Variants in RING1 observed in about 807,000 individuals in gnomAD.
RING1 encodes the protein E3 ubiquitin-protein ligase RING1.
In RING1, 8 loss-of-function variants were observed where a neutral mutation model predicts 35.0. That is an observed-to-expected ratio of 0.23 (90% CI 0.13 to 0.41). The LOEUF (loss-of-function observed/expected upper bound fraction) is 0.41. Ranked by LOEUF, RING1 falls within the 10% of genes least tolerant of loss-of-function variation. RING1 has a pLI of 1.00. For missense variants in RING1, 343 were observed against 546.8 expected, an observed-to-expected ratio of 0.63 and a Z score of 3.72; for synonymous variants, 214 against 224.3, an observed-to-expected ratio of 0.95 and a Z score of 0.41.
Position 33,211,199 on chromosome 6 carries a change from C to G in RING1, c.497C>G (p.Thr166Ser). 1 of 1,612,554 alleles carries G rather than the reference C, an allele frequency of 6.2e-7. No homozygotes were observed. Residue 166 changes from threonine (T) to serine (S), a missense_variant, in exon 5 of 7, where the codon ACC becomes AGC. Transcript: ENST00000374656. The surrounding 1 kb of genome is among the most constrained non-coding windows in gnomAD (Gnocchi z 6.3). ...VRRPIPGSDQ[T>S]TTMSGGEGEP... The stretch of plus-strand genomic sequence containing the variant: ...CGGCCGATACCAGGGTCAGATCAGA[C>G]CACAACGATGAGTGGGGGGGAAGGA...
In RING1 at chr6:33,211,721, C is replaced by T; in HGVS notation, c.846-8C>T. The T allele has an allele frequency of 2.6e-6, 4 of 1,538,112 alleles. No individual in the cohort carries two copies. The East Asian group carries it at 6.8e-5, about 26-fold the overall frequency. On this transcript the variant is annotated splice_region_variant and splice_polypyrimidine_tract_variant and intron_variant, in intron 5 of 6. Transcript: ENST00000374656. This position sits in a 1 kb window ranked among gnomAD's most constrained non-coding sequence, Gnocchi z 6.3. The stretch of plus-strand genomic sequence containing the variant: ...CTGGCTCTAAGCCTGTCCTCCCTCC[C>T]ATTCCAGGTATGTGAAGACAACTGG...
Position 33,209,704 on chromosome 6 carries a change from G to T in RING1, c.157G>T (p.Asp53Tyr), listed in dbSNP as rs774678671. ...HSELMCPICL[D>Y]MLKNTMTTKE... ...AGAACTCATGTGCCCTATCTGCCTG[G>T]ACATGCTGAAGAATACGATGACCAC... The change falls in exon 3 of 7, where the codon GAC (aspartate) becomes TAC (tyrosine). Residue 53 changes from aspartate to tyrosine, a missense_variant. By Grantham distance (160) the Asp-to-Tyr change is radical. Coordinates refer to ENST00000374656, the MANE Select transcript of RING1 (RefSeq NM_002931.4). This position sits in a 1 kb window ranked among gnomAD's most constrained non-coding sequence, Gnocchi z 5.1. The T allele has an allele frequency of 6.2e-7, 1 of 1,613,152 alleles. No individual in the cohort carries two copies. The highest frequency in any genetic ancestry group is 2.2e-5 in the East Asian group (1 of 44,884).
chr6:33,210,688 A>G (rs764392835), intron 4 of RING1, among the ~76,000 whole-genome samples: 58 of 152,198 alleles, frequency 3.8e-4, no homozygotes, highest in Non-Finnish European at 7.9e-4. Flanking sequence ...GATTTTGAGA[A>G]TAAGCCCCGG....
Position 33,208,506 on chromosome 6 carries a change from C to A in RING1, c.-197C>A. The A allele has an allele frequency of 2.4e-6, 1 of 422,332 alleles. No homozygotes were observed. The highest frequency in any genetic ancestry group is 4.1e-6 in the Non-Finnish European group (1 of 241,682). 26.2% of individuals were successfully genotyped at this position (422,332 alleles called of 1,614,324 possible). On this transcript the variant is annotated 5_prime_UTR_variant, in exon 1 of 7. Transcript: ENST00000374656. This position sits in a 1 kb window ranked among gnomAD's most constrained non-coding sequence, Gnocchi z 6.2. ...AGGAGCAGGCGGAAGTGACGTAGGG[C>A]CCCAGCGCCCGGGCCATGGCGGCGG... is the stretch of plus-strand genomic sequence containing the variant.
At position 33,209,312 on chromosome 6, in the gene RING1, C is replaced by T. The variant is rs1412390319; in HGVS notation, c.79-314C>T. The T allele has an allele frequency of 1.8e-6, 1 of 567,444 alleles. No individual in the cohort carries two copies. The highest frequency in any genetic ancestry group is 3.1e-6 in the Non-Finnish European group (1 of 317,972). 35.2% of individuals were successfully genotyped at this position (567,444 alleles called of 1,614,324 possible). On this transcript the variant is annotated intron_variant, in intron 2 of 6. Transcript: ENST00000374656. This position sits in a 1 kb window ranked among gnomAD's most constrained non-coding sequence, Gnocchi z 5.1. Reference sequence around the variant, plus strand: ...CTATGGGGTTCTAATACAGGTAGCACCAGGACTTTAAAAAATTTTGTTGAA... The same window carrying T: ...CTATGGGGTTCTAATACAGGTAGCATCAGGACTTTAAAAAATTTTGTTGAA...
In RING1 at chr6:33,211,275, C is replaced by T; in HGVS notation, c.573C>T (p.Ala191=). The change falls in exon 5 of 7, where the codon GCC becomes GCT. Residue 191 remains alanine, a synonymous_variant. Transcript: ENST00000374656. The surrounding 1 kb of genome is among the most constrained non-coding windows in gnomAD (Gnocchi z 6.3). The stretch of plus-strand genomic sequence containing the variant: ...GAGAAGATGTGAGCTCAGACTCCGC[C>T]CCTGACTCTGCCCCAGGCCCTGCTC... The part of the protein sequence containing the change: ...GDGEDVSSDS[A]PDSAPGPAPK... The T allele has an allele frequency of 6.2e-7, 1 of 1,612,782 alleles. No homozygotes were observed. The highest frequency in any genetic ancestry group is 8.5e-7 in the Non-Finnish European group (1 of 1,179,898).
chr6:33,212,316 A>G lies in RING1; in HGVS notation c.1138A>G (p.Thr380Ala). The G allele has an allele frequency of 1.3e-6, 2 of 1,588,300 alleles. No homozygotes were observed. The highest frequency in any genetic ancestry group is 1.7e-6 in the Non-Finnish European group (2 of 1,167,596). The change falls in exon 7 of 7, where the codon ACC becomes GCC. Residue 380 changes from threonine (T) to alanine (A), a missense_variant. Thr to Ala is a moderately conservative substitution (Grantham distance 58). Transcript: ENST00000374656. ...GAFTTLNGSLTLELVNEKFWK... is the reference protein window; with the variant it reads ...GAFTTLNGSLALELVNEKFWK... The stretch of plus-strand genomic sequence containing the variant: ...TCCTCAGACGTTGAATGGCTCGCTG[A>G]CCCTGGAGCTGGTGAATGAGAAATT...
rs1775515761 is a variant in RING1 at position 33,211,327 on chromosome 6, G to C, written c.625G>C (p.Gly209Arg). The C allele has an allele frequency of 6.2e-7, 1 of 1,609,692 alleles. No homozygotes were observed. Among genetic ancestry groups the C allele is most frequent in the Non-Finnish European group, 8.5e-7 (1 of 1,178,576 alleles). ...APKRPRGGGA[G>R]GSSVGTGGGG... The stretch of plus-strand genomic sequence containing the variant: ...CAAGCGACCCCGTGGAGGGGGCGCA[G>C]GGGGGAGCAGTGTAGGGACAGGGGG... The change falls in exon 5 of 7, where the codon GGG (glycine) becomes CGG (arginine). Residue 209 changes from glycine (G) to arginine (R), a missense_variant. Around this residue, in one of 2 missense-constraint regions of RING1, gnomAD observed 278 missense variants for 383.5 expected, o/e 0.72. Transcript: ENST00000374656. The surrounding 1 kb of genome is among the most constrained non-coding windows in gnomAD (Gnocchi z 6.3).
rs138993284 is a variant in RING1, at chr6:33,208,833, C to T, written c.11C>T (p.Pro4Leu). Residue 4 changes from proline to leucine, a missense_variant, in exon 2 of 7, where the codon CCG becomes CTG. Pro to Leu is a moderately conservative substitution (Grantham distance 98, BLOSUM62 -3). Around this residue, in one of 2 missense-constraint regions of RING1, gnomAD observed 65 missense variants for 163.3 expected, o/e 0.40. Coordinates refer to ENST00000374656, the MANE Select transcript of RING1 (RefSeq NM_002931.4). The surrounding 1 kb of genome is among the most constrained non-coding windows in gnomAD (Gnocchi z 6.2). ...CTGCGCCCGGTCACCATGACGACGC[C>T]GGCGAATGCCCAGAATGCCAGCAAA... MTT[P>L]ANAQNASKTW... 141 of 1,605,414 alleles carry T rather than the reference C, an allele frequency of 8.8e-5. No homozygotes were observed. Among genetic ancestry groups the T allele is most frequent in the Non-Finnish European group, 8.1e-5 (95 of 1,174,316 alleles).
chr6:33,212,269 CCCCTCTCTCCCTTTTA>C lies in RING1; in HGVS notation c.1120-25_1120-10del. ...CTTCTCCAACTTTCCTCTCTCTTTT[CCCCTCTCTCCCTTTTA>C]CCCCCTCCTCAGACGTTGAATGGCT... On this transcript the variant is annotated splice_polypyrimidine_tract_variant and intron_variant, in intron 6 of 6. Coordinates refer to ENST00000374656, the MANE Select transcript of RING1 (RefSeq NM_002931.4). The C allele has an allele frequency of 1.4e-6, 2 of 1,428,522 alleles. No individual in the cohort carries two copies. The highest frequency in any genetic ancestry group is 9.6e-7 in the Non-Finnish European group (1 of 1,042,156). The allele number at this position is 1,428,522 out of a possible 1,614,324, so 88.5% of individuals were successfully genotyped here.
chr6:33,209,330 T>C lies in RING1; in HGVS notation c.79-296T>C. 1.7e-6 allele frequency: 1 copy of C among 578,326 alleles called. No homozygotes were observed. The highest frequency in any genetic ancestry group is 3.0e-5 in the East Asian group (1 of 33,884). 35.8% of individuals were successfully genotyped at this position (578,326 alleles called of 1,614,324 possible). Reference sequence around the variant, plus strand: ...GGTAGCACCAGGACTTTAAAAAATTTTGTTGAATAGTTTTTCCCAACCACA... The same window carrying C: ...GGTAGCACCAGGACTTTAAAAAATTCTGTTGAATAGTTTTTCCCAACCACA... On this transcript the variant is annotated intron_variant, in intron 2 of 6. Coordinates refer to ENST00000374656, the MANE Select transcript of RING1 (RefSeq NM_002931.4). The surrounding 1 kb of genome is among the most constrained non-coding windows in gnomAD (Gnocchi z 5.1).
Position 33,208,831 on chromosome 6 carries a change from G to T in RING1, c.9G>T (p.Thr3=), listed in dbSNP as rs747880357. 1.4e-5 allele frequency: 23 copies of T among 1,604,370 alleles called. No individual in the cohort carries two copies. The Admixed American group carries it at 3.7e-4, about 26-fold the overall frequency. The change falls in exon 2 of 7, where the codon ACG becomes ACT. Residue 3 remains threonine, a synonymous_variant. Coordinates refer to ENST00000374656, the MANE Select transcript of RING1 (RefSeq NM_002931.4). This position sits in a 1 kb window ranked among gnomAD's most constrained non-coding sequence, Gnocchi z 6.2. MT[T]PANAQNASKT... is the part of the protein sequence containing the mutation. ...GTCTGCGCCCGGTCACCATGACGAC[G>T]CCGGCGAATGCCCAGAATGCCAGCA...
Position 33,211,312 on chromosome 6 carries a change from C to T in RING1, c.610C>T (p.Arg204Cys), listed in dbSNP as rs543164083. ...SAPGPAPKRP[R>C]GGGAGGSSVG... ...CCCAGGCCCTGCTCCCAAGCGACCCCGTGGAGGGGGCGCAGGGGGGAGCAG... is the reference window on the plus strand; with the variant it reads ...CCCAGGCCCTGCTCCCAAGCGACCCTGTGGAGGGGGCGCAGGGGGGAGCAG... Residue 204 changes from arginine to cysteine, a missense_variant, in exon 5 of 7, where the codon CGT (arginine) becomes TGT (cysteine). By Grantham distance (180) the Arg-to-Cys change is radical. Around this residue, in one of 2 missense-constraint regions of RING1, gnomAD observed 278 missense variants for 383.5 expected, o/e 0.72. Coordinates refer to ENST00000374656, the MANE Select transcript of RING1 (RefSeq NM_002931.4). This position sits in a 1 kb window ranked among gnomAD's most constrained non-coding sequence, Gnocchi z 6.3. 51 of 1,378,452 alleles carry T rather than the reference C, an allele frequency of 3.7e-5. No individual in the cohort carries two copies. The highest frequency in any genetic ancestry group is 8.0e-5 in the African/African-American group (5 of 62,464). The allele number at this position is 1,378,452 out of a possible 1,614,324, so 85.4% of individuals were successfully genotyped here.
Position 33,211,309 on chromosome 6 carries a change from C to A in RING1, c.607C>A (p.Pro203Thr), listed in dbSNP as rs1775512065. ...TGCCCCAGGCCCTGCTCCCAAGCGA[C>A]CCCGTGGAGGGGGCGCAGGGGGGAG... ...DSAPGPAPKR[P>T]RGGGAGGSSV... Residue 203 changes from proline (P) to threonine (T), a missense_variant, in exon 5 of 7, where the codon CCC (proline) becomes ACC (threonine). Coordinates refer to ENST00000374656, the MANE Select transcript of RING1 (RefSeq NM_002931.4). This position sits in a 1 kb window ranked among gnomAD's most constrained non-coding sequence, Gnocchi z 6.3. The A allele has an allele frequency of 6.2e-7, 1 of 1,611,920 alleles. No individual in the cohort carries two copies. The highest frequency in any genetic ancestry group is 8.5e-7 in the Non-Finnish European group (1 of 1,179,480).
chr6:33,211,614 G>A lies in RING1; in HGVS notation c.845+67G>A, dbSNP rs1775543527. 1.2e-5 allele frequency: 19 copies of A among 1,573,442 alleles called. No individual in the cohort carries two copies. Among genetic ancestry groups the A allele is most frequent in the Admixed American group, 1.9e-5 (1 of 53,366 alleles). ...ATCACCTAGATTTCCATCAGAAGTG[G>A]GCTTTGCCCAAACCCAAAATACCAC... is the stretch of plus-strand genomic sequence containing the variant. On this transcript the variant is annotated intron_variant, in intron 5 of 6. Coordinates refer to ENST00000374656, the MANE Select transcript of RING1 (RefSeq NM_002931.4). This position sits in a 1 kb window ranked among gnomAD's most constrained non-coding sequence, Gnocchi z 6.3.
Position 33,209,000 on chromosome 6 carries a change from C to A in RING1, c.78+100C>A. 1.0e-6 allele frequency: 1 copy of A among 967,672 alleles called. No homozygotes were observed. Among genetic ancestry groups the A allele is most frequent in the Non-Finnish European group, 1.6e-6 (1 of 614,026 alleles). The allele number at this position is 967,672 out of a possible 1,614,324, so 59.9% of individuals were successfully genotyped here. A position where few individuals can be genotyped will look rare whatever the true frequency, so the allele number is the denominator to read the frequency against. ...CTTTTCCGTAATTTGCTCTATTCTG[C>A]CTTGCCTGGCCCTACCTTTGAATCA... On this transcript the variant is annotated intron_variant, in intron 2 of 6. Transcript: ENST00000374656. The surrounding 1 kb of genome is among the most constrained non-coding windows in gnomAD (Gnocchi z 6.2).
chr6:33,212,537 A>G lies in RING1; in HGVS notation c.*138A>G. The G allele has an allele frequency of 3.2e-6, 2 of 621,860 alleles. No individual in the cohort carries two copies. Among genetic ancestry groups the G allele is most frequent in the Non-Finnish European group, 2.9e-6 (1 of 346,216 alleles). 38.5% of individuals were successfully genotyped at this position (621,860 alleles called of 1,614,324 possible). On this transcript the variant is annotated 3_prime_UTR_variant, in exon 7 of 7. Coordinates refer to ENST00000374656, the MANE Select transcript of RING1 (RefSeq NM_002931.4). Reference sequence around the variant, plus strand: ...ACACAAATGAGGACACGTGGCTTTTATACAAAGTATCTATATGAGATTCTT... The same window carrying G: ...ACACAAATGAGGACACGTGGCTTTTGTACAAAGTATCTATATGAGATTCTT...
chr6:33,210,089 C>A lies in RING1; in HGVS notation c.414C>A (p.Ser138Arg). Residue 138 changes from serine (S) to arginine (R), a missense_variant, in exon 4 of 7, where the codon AGC becomes AGA. Around this residue, in one of 2 missense-constraint regions of RING1, gnomAD observed 278 missense variants for 383.5 expected, o/e 0.72. Coordinates refer to ENST00000374656, the MANE Select transcript of RING1 (RefSeq NM_002931.4). ...GCCTGCACAACCAGCAGGCATTGAG[C>A]TCCAGCATTGAGGAGGGGCTACGCA... ...LSRLHNQQALSSSIEEGLRMQ... is the reference protein window; with the variant it reads ...LSRLHNQQALRSSIEEGLRMQ... 1 of 1,614,226 alleles carries A rather than the reference C, an allele frequency of 6.2e-7. No homozygotes were observed. Among genetic ancestry groups the A allele is most frequent in the East Asian group, 2.2e-5 (1 of 44,890 alleles).
Position 33,211,409 on chromosome 6 carries a change from G to T in RING1, c.707G>T (p.Gly236Val). The T allele has an allele frequency of 6.4e-7, 1 of 1,563,150 alleles. No homozygotes were observed. The change falls in exon 5 of 7, where the codon GGA (glycine) becomes GTA (valine). Residue 236 changes from glycine (G) to valine (V), a missense_variant. Gly to Val is a moderately radical substitution (Grantham distance 109). Around this residue, in one of 2 missense-constraint regions of RING1, gnomAD observed 278 missense variants for 383.5 expected, o/e 0.72. Coordinates refer to ENST00000374656, the MANE Select transcript of RING1 (RefSeq NM_002931.4). The surrounding 1 kb of genome is among the most constrained non-coding windows in gnomAD (Gnocchi z 6.3). Reference protein sequence around the residue: ...GAGSEDSGDRGGTLGGGTLGP... With the variant: ...GAGSEDSGDRVGTLGGGTLGP... ...GGTTCGGAAGACTCTGGTGACCGGGGAGGGACTCTGGGAGGGGGAACGCTG... is the reference window on the plus strand; with the variant it reads ...GGTTCGGAAGACTCTGGTGACCGGGTAGGGACTCTGGGAGGGGGAACGCTG...
Sources: allele counts gnomAD v4.1 joint callset (sites outside exome capture counted in the v4.1 genomes callset), GRCh38; gene constraint gnomAD v4.1.1; regional missense constraint gnomAD v4.1.1; non-coding constraint Gnocchi (gnomAD v3.1); transcripts MANE v1.5; gene names NCBI Gene and HGNC (gene_info 2026-07-23, HGNC 2026-07-21).